CYLC1: variants seen among roughly 807,000 people sequenced by gnomAD.
The protein encoded by CYLC1 is cylicin-1.
CYLC1 carries 2 observed loss-of-function variants against 31.6 expected under a neutral mutation model. The ratio of observed to expected loss-of-function variants is 0.06; its 90% CI spans 0.03 to 0.20. CYLC1 has a LOEUF of 0.20. CYLC1 is among the 10% of genes least tolerant of loss of function. The probability of loss-of-function intolerance (pLI) is 1.00; values close to 1 mark genes in which losing one functional copy is unlikely to be tolerated. For synonymous variants in CYLC1, 185 were observed against 153.0 expected, an observed-to-expected ratio of 1.21 and a Z score of -1.54; for missense variants, 595 against 424.1, an observed-to-expected ratio of 1.40 and a Z score of -3.54.
chrX:83,883,966 G>T (rs775176459), intron 4 of CYLC1, among the ~76,000 whole-genome samples: 88 of 111,501 alleles, frequency 7.9e-4, no homozygotes, highest in Non-Finnish European at 1.5e-3. Flanking sequence ...TTTTGACAGA[G>T]ACAATGGAGA....
At position 83,877,895 on chromosome X, in the gene CYLC1, T is replaced by TAC. The variant is rs1208527257; in HGVS notation, c.1923+3266_1923+3267dup. Among the ~76,000 whole-genome samples the TAC allele has an allele frequency of 6.0e-4, 25 of 41,942 alleles. 1 individual carries two copies. Among genetic ancestry groups the TAC allele is most frequent in the South Asian group, 1.5e-3 (1 of 654 alleles). 36.4% of individuals were successfully genotyped at this position (41,942 alleles called of 115,157 possible). ...GTTTTTTCATATATATATATATATA[T>TAC]ACAAATATATATAAATATATATATA... On this transcript the variant is annotated intron_variant, in intron 4 of 4. Coordinates refer to ENST00000329312, the MANE Select transcript of CYLC1 (RefSeq NM_021118.3).
intron 4 of CYLC1, among the ~76,000 whole-genome samples, chrX:83,879,465 C>T (rs2031879049): frequency 8.9e-6 from 1 of 111,885 alleles, no homozygotes; most frequent in Non-Finnish European, 1.9e-5. Context: ...TCATGGTCAT[C>T]CATATAAGTC....
Position 83,873,811 on chromosome X carries a change from A to T in CYLC1, c.1103A>T (p.Glu368Val), listed in dbSNP as rs761070708. The change falls in exon 4 of 5, where the codon GAG becomes GTG. Residue 368 changes from glutamate (E) to valine (V), a missense_variant. By Grantham distance (121) the Glu-to-Val change is moderately radical. Coordinates refer to ENST00000329312, the MANE Select transcript of CYLC1 (RefSeq NM_021118.3). ...AAAAAGGACACAAAGAAGTACCCAG[A>T]GTCTACTGATACTGAATCAGGAGAT... The part of the protein sequence containing the change: ...DKKKDTKKYP[E>V]STDTESGDAK... The T allele has an allele frequency of 2.5e-6, 3 of 1,187,655 alleles. No individual in the cohort carries two copies. The highest frequency in any genetic ancestry group is 3.4e-6 in the Non-Finnish European group (3 of 880,215).
chrX:83,869,944 TG>T (rs2031642011), intron 2 of CYLC1, 39 bp downstream of exon 2: 1 of 738,105 alleles, frequency 1.4e-6, no homozygotes, highest in Non-Finnish European at 1.8e-6. Context: ...TTTCTTAGAT[TG>T]GAAAACAATT....
intron 1 of CYLC1, among the ~76,000 whole-genome samples, chrX:83,861,785 A>T (rs780991374): frequency 9.1e-4 from 102 of 111,691 alleles, no homozygotes; most frequent in South Asian, 7.1e-3. Flanking sequence ...TATTTCTGAA[A>T]GTAGTTTAAA....
chrX:83,877,843 G>C (rs1295426925), intron 4 of CYLC1, among the ~76,000 whole-genome samples: 2 of 85,119 alleles, frequency 2.3e-5, no homozygotes, highest in Non-Finnish European at 4.4e-5. Flanking sequence ...CAGAATTCAG[G>C]TTCTATGCAG....
intron 2 of CYLC1, 31 bp downstream of exon 2, chrX:83,869,936 T>G (rs1196810943): frequency 1.3e-6 from 1 of 768,302 alleles, no homozygotes; most frequent in East Asian, 4.5e-5. Context: ...GTTTAATATT[T>G]CTTAGATTGG....
intron 4 of CYLC1, among the ~76,000 whole-genome samples, chrX:83,878,590 T>C (rs1396861147): frequency 5.4e-5 from 5 of 93,323 alleles, no homozygotes; most frequent in African/African-American, 2.0e-4. Context: ...ACAGCACCTA[T>C]GTTATATTTA....
chrX:83,885,136 A>C (rs1279817551), intron 4 of CYLC1, among the ~76,000 whole-genome samples: 2 of 111,257 alleles, frequency 1.8e-5, no homozygotes, highest in African/African-American at 3.3e-5. Flanking sequence ...AATGTTCTAG[A>C]ATGTGACATT....
At chrX:83,884,076 T>G (rs1289848899) in intron 4 of CYLC1, among the ~76,000 whole-genome samples, 2 of 111,283 alleles carry the variant, frequency 1.8e-5, no homozygotes, top group Admixed American at 1.9e-4. Context: ...AGGGTGAAAC[T>G]AACTGAAGGA....
Position 83,874,242 on chromosome X carries a change from G to C in CYLC1, c.1534G>C (p.Asp512His). Residue 512 changes from aspartate to histidine, a missense_variant, in exon 4 of 5, where the codon GAT becomes CAT. Coordinates refer to ENST00000329312, the MANE Select transcript of CYLC1 (RefSeq NM_021118.3). ...AGGTTCAAAGAAAGATATCAAGAAG[G>C]ATGCAAGAAAGGACACAGAGTCTAC... is the stretch of plus-strand genomic sequence containing the variant. ...KKGSKKDIKKDARKDTESTDA... is the reference protein window; with the variant it reads ...KKGSKKDIKKHARKDTESTDA... 1 of 1,208,068 alleles carries C rather than the reference G, an allele frequency of 8.3e-7. No homozygotes were observed. The highest frequency in any genetic ancestry group is 1.1e-6 in the Non-Finnish European group (1 of 893,298).
chrX:83,862,302 C>G (rs1358436347), intron 1 of CYLC1, among the ~76,000 whole-genome samples: 3 of 105,844 alleles, frequency 2.8e-5, no homozygotes, highest in African/African-American at 1.0e-4. Context: ...GAGGCCGAGG[C>G]GGGTGGATCA....
Position 83,874,072 on chromosome X carries a change from A to G in CYLC1, c.1364A>G (p.Lys455Arg). Reference sequence around the variant, plus strand: ...GACTCTGAACCGAAGGGAGATTCAAAAAAGGGTAAAAAGGATGAAAAGAAG... The same window carrying G: ...GACTCTGAACCGAAGGGAGATTCAAGAAAGGGTAAAAAGGATGAAAAGAAG... ...DADSEPKGDS[K>R]KGKKDEKKGK... Residue 455 changes from lysine (K) to arginine (R), a missense_variant, in exon 4 of 5, where the codon AAA becomes AGA. Transcript: ENST00000329312. 2 of 1,203,721 alleles carry G rather than the reference A, an allele frequency of 1.7e-6. No homozygotes were observed. Among genetic ancestry groups the G allele is most frequent in the Non-Finnish European group, 2.2e-6 (2 of 890,826 alleles).
At chrX:83,877,723 C>G (rs1192825898) in intron 4 of CYLC1, among the ~76,000 whole-genome samples, 1 of 104,085 alleles carries the variant, frequency 9.6e-6, no homozygotes, top group Non-Finnish European at 1.9e-5. Context: ...TCTCATCCAC[C>G]ACTATGCAGT....
chrX:83,875,902 A>ACGGC (rs969658331), intron 4 of CYLC1, among the ~76,000 whole-genome samples: 16 of 110,146 alleles, frequency 1.5e-4, no homozygotes, highest in Non-Finnish European at 2.1e-4. Flanking sequence ...TGTTAAACTC[A>ACGGC]CGGCTTCTGT....
intron 4 of CYLC1, among the ~76,000 whole-genome samples, chrX:83,882,203 T>C (rs1386636417): frequency 9.0e-6 from 1 of 111,253 alleles, no homozygotes; most frequent in African/African-American, 3.3e-5. Flanking sequence ...TGACTACTTC[T>C]CAATTTTACA....
At chrX:83,864,434 C>T (rs1030436006) in intron 1 of CYLC1, among the ~76,000 whole-genome samples, 1 of 110,826 alleles carries the variant, frequency 9.0e-6, no homozygotes, top group Admixed American at 9.7e-5. Context: ...TAAAAAATCC[C>T]TTTTCCTTCA....
rs924011283 is a variant in CYLC1, at chrX:83,880,098, G to A, written c.1923+5467G>A. Among the ~76,000 whole-genome samples, 7 of 111,788 alleles carry A rather than the reference G, an allele frequency of 6.3e-5. No homozygotes were observed. The East Asian group carries it at 2.0e-3, about 31-fold the overall frequency. On this transcript the variant is annotated intron_variant, in intron 4 of 4. Transcript: ENST00000329312. The stretch of plus-strand genomic sequence containing the variant: ...TTGTATGTTTCTTGCATTTATTAAA[G>A]TATCTTTGCATATTATAGGTATTAC...
Position 83,873,454 on chromosome X carries a change from T to G in CYLC1, c.746T>G (p.Met249Arg). ...AATAGTTTAAATGTTGATTTCCTCATGTTAGTGGGACAGTCTGATGATGAA... is the reference window on the plus strand; with the variant it reads ...AATAGTTTAAATGTTGATTTCCTCAGGTTAGTGGGACAGTCTGATGATGAA... Reference protein sequence around the residue: ...SENSLNVDFLMLVGQSDDESI... With the variant: ...SENSLNVDFLRLVGQSDDESI... Residue 249 changes from methionine to arginine, a missense_variant, in exon 4 of 5, where the codon ATG (methionine) becomes AGG (arginine). Coordinates refer to ENST00000329312, the MANE Select transcript of CYLC1 (RefSeq NM_021118.3). 1 of 1,199,727 alleles carries G rather than the reference T, an allele frequency of 8.3e-7. No homozygotes were observed. Among genetic ancestry groups the G allele is most frequent in the Non-Finnish European group, 1.1e-6 (1 of 888,560 alleles).
Sources: allele counts gnomAD v4.1 joint callset (sites outside exome capture counted in the v4.1 genomes callset), GRCh38; gene constraint gnomAD v4.1.1; transcripts MANE v1.5; gene names NCBI Gene and HGNC (gene_info 2026-07-23, HGNC 2026-07-21).